The following HACD1 variants were observed in gnomAD, a reference collection of about 807,000 sequenced individuals.
HACD1 encodes the protein very-long-chain (3R)-3-hydroxyacyl-CoA dehydratase 1.
A neutral mutation model predicts 32.0 loss-of-function variants in HACD1; 41 were observed. The observed-to-expected ratio is 1.28, with a 90% CI of 1.00 to 1.66. The LOEUF (loss-of-function observed/expected upper bound fraction) is 1.66. Among genes scored for constraint, HACD1 ranks in the 40% most tolerant of loss-of-function variants. The probability of loss-of-function intolerance (pLI) is 0.00; values close to 1 mark genes in which losing one functional copy is unlikely to be tolerated. For synonymous variants in HACD1, 142 were observed against 139.0 expected (o/e 1.02, Z -0.15); for missense variants, 396 against 380.1 (o/e 1.04, Z -0.35).
intron 1 of HACD1, among the ~76,000 whole-genome samples, chr10:17,610,999 C>CTTTTT (rs71393021): frequency 2.9e-5 from 3 of 103,002 alleles, no homozygotes; most frequent in Non-Finnish European, 5.7e-5. Flanking sequence ...AGGTCCTCTT[C>CTTTTT]TTTTTTTTTT....
chr10:17,597,240 T>C (rs531906697), intron 5 of HACD1, among the ~76,000 whole-genome samples: 1 of 152,242 alleles, frequency 6.6e-6, no homozygotes, highest in East Asian at 1.9e-4. Context: ...CTCCACCTCC[T>C]AGTTCAAGCA....
At chr10:17,591,520 C>A (rs1336164274) in intron 6 of HACD1, among the ~76,000 whole-genome samples, 2 of 152,188 alleles carry the variant, frequency 1.3e-5, no homozygotes, top group African/African-American at 4.8e-5. Context: ...TATAATAACA[C>A]ATAAATACAT....
At chr10:17,611,630 G>T (rs1832979878) in intron 1 of HACD1, among the ~76,000 whole-genome samples, 4 of 152,208 alleles carry the variant, frequency 2.6e-5, no homozygotes, top group Admixed American at 2.0e-4. Context: ...GAGAGGGAGG[G>T]AGAGAAATGC....
chr10:17,609,897 T>A (rs998102312), intron 1 of HACD1, among the ~76,000 whole-genome samples: 8 of 149,670 alleles, frequency 5.3e-5, no homozygotes, highest in Non-Finnish European at 1.0e-4. Context: ...GGCAGGAGAA[T>A]CGTTTGAATC....
intron 3 of HACD1, 28 bp from the exon 4 acceptor site, chr10:17,603,676 G>C (rs782384408): frequency 6.2e-7 from 1 of 1,605,238 alleles, no homozygotes; most frequent in East Asian, 2.2e-5. Flanking sequence ...GTGAACTATT[G>C]CCCTAAAGGC....
At chr10:17,609,155 G>GTTT (rs56347429) in intron 1 of HACD1, among the ~76,000 whole-genome samples, 111 of 132,104 alleles carry the variant, frequency 8.4e-4, no homozygotes, top group Middle Eastern at 3.9e-3. Context: ...TGTGCAAAAG[G>GTTT]TTTTTTTTTT....
At chr10:17,609,246 C>T (rs137882972) in intron 1 of HACD1, among the ~76,000 whole-genome samples, 331 of 151,278 alleles carry the variant, frequency 2.2e-3, no homozygotes, top group African/African-American at 7.7e-3. Flanking sequence ...GCTCCACCTC[C>T]GGGTTCATAC....
chr10:17,589,619 T>G lies in HACD1; in HGVS notation c.*745A>C, dbSNP rs898903908. On this transcript the variant is annotated 3_prime_UTR_variant, in exon 7 of 7. Coordinates refer to ENST00000361271, the MANE Select transcript of HACD1 (RefSeq NM_014241.4). The stretch of plus-strand genomic sequence containing the variant: ...TACAACATTATAGTCAGATGTCATG[T>G]TTTTTTTTTAATAGTGGGGCAAATA... 1 of 148,922 alleles carries G rather than the reference T, an allele frequency of 6.7e-6. No homozygotes were observed. The highest frequency in any genetic ancestry group is 1.5e-5 in the Non-Finnish European group (1 of 66,970). The allele number at this position is 148,922 out of a possible 1,614,324, so 9.2% of individuals were successfully genotyped here. A position where few individuals can be genotyped will look rare whatever the true frequency, so the allele number is the denominator to read the frequency against.
chr10:17,609,759 T>C (rs1554817319), intron 1 of HACD1, among the ~76,000 whole-genome samples: 1 of 151,760 alleles, frequency 6.6e-6, no homozygotes. Context: ...GGCGGTTGGA[T>C]CATTTGAGGT....
chr10:17,605,019 T>C (rs1249208921), intron 1 of HACD1, among the ~76,000 whole-genome samples: 1 of 152,090 alleles, frequency 6.6e-6, no homozygotes, highest in African/African-American at 2.4e-5. Context: ...TATGATTTAA[T>C]TTATATGAGG....
chr10:17,599,419 A>G lies in HACD1; in HGVS notation c.484-8T>C, dbSNP rs782520589. 1 of 1,611,740 alleles carries G rather than the reference A, an allele frequency of 6.2e-7. No individual in the cohort carries two copies. Among genetic ancestry groups the G allele is most frequent in the South Asian group, 1.1e-5 (1 of 90,808 alleles). ...ACTCTCTTCATTCTGGATCTGCAGA[A>G]TTACAGAGAAACCCAGTGTCATTCA... On this transcript the variant is annotated splice_region_variant and splice_polypyrimidine_tract_variant and intron_variant, in intron 4 of 6. Coordinates refer to ENST00000361271, the MANE Select transcript of HACD1 (RefSeq NM_014241.4).
chr10:17,601,704 T>C (rs1834072552), intron 4 of HACD1, among the ~76,000 whole-genome samples: 1 of 152,218 alleles, frequency 6.6e-6, no homozygotes, highest in Non-Finnish European at 1.5e-5. Flanking sequence ...CTCCTGCTTT[T>C]AAACTAGTAG....
At chr10:17,597,963 A>G (rs1834016396) in intron 5 of HACD1, among the ~76,000 whole-genome samples, 1 of 152,114 alleles carries the variant, frequency 6.6e-6, no homozygotes, top group Admixed American at 6.5e-5. Context: ...AAAAGTCACA[A>G]AGAGTATATA....
chr10:17,604,638 G>A (rs1006757958), intron 1 of HACD1, among the ~76,000 whole-genome samples: 11 of 150,576 alleles, frequency 7.3e-5, no homozygotes, highest in African/African-American at 2.7e-4. Flanking sequence ...AATACTGTAT[G>A]ATCATTTTTT....
At chr10:17,595,327 T>C (rs1380915767) in intron 5 of HACD1, among the ~76,000 whole-genome samples, 7 of 152,210 alleles carry the variant, frequency 4.6e-5, no homozygotes, top group Admixed American at 2.0e-4. Flanking sequence ...CCAAGGTAGT[T>C]ATTTTTAAGA....
At chr10:17,592,382 T>C (rs941188312) in intron 6 of HACD1, among the ~76,000 whole-genome samples, 46 of 152,156 alleles carry the variant, frequency 3.0e-4, no homozygotes, top group African/African-American at 1.0e-3. Context: ...CAAAAAGTAC[T>C]TTTAATTAGC....
intron 1 of HACD1, 70 bp downstream of exon 1, chr10:17,617,013 C>T (rs1246533398): frequency 1.5e-5 from 20 of 1,321,512 alleles, no homozygotes; most frequent in Admixed American, 4.2e-5. Flanking sequence ...CCGGCCCGCG[C>T]CCCCTGAACC....
rs1261720772 is a variant in HACD1 at position 17,590,197 on chromosome 10, T to G, written c.*167A>C. On this transcript the variant is annotated 3_prime_UTR_variant, in exon 7 of 7. Transcript: ENST00000361271. ...GCACAGTTCTTGTAAAAAATAGATC[T>G]GGCACAAGAGGAACACAAATACTGG... The G allele has an allele frequency of 2.3e-6, 1 of 439,232 alleles. No homozygotes were observed. Among genetic ancestry groups the G allele is most frequent in the African/African-American group, 2.0e-5 (1 of 49,428 alleles). The allele number at this position is 439,232 out of a possible 1,614,324, so 27.2% of individuals were successfully genotyped here.
intron 4 of HACD1, among the ~76,000 whole-genome samples, chr10:17,600,403 G>T (rs1476283310): frequency 6.6e-6 from 1 of 152,088 alleles, no homozygotes; most frequent in Non-Finnish European, 1.5e-5. Context: ...GCAGTGGCAT[G>T]ATCTCGGCTC....
Sources: allele counts gnomAD v4.1 joint callset (sites outside exome capture counted in the v4.1 genomes callset), GRCh38; gene constraint gnomAD v4.1.1; transcripts MANE v1.5; gene names NCBI Gene and HGNC (gene_info 2026-07-23, HGNC 2026-07-21).